The following CFAP47 variants were observed in gnomAD, a reference collection of about 807,000 sequenced individuals.
CFAP47 encodes the protein cilia and flagella associated protein 47.
CFAP47 carries 29 observed loss-of-function variants against 148.1 expected under a neutral mutation model. That is an observed-to-expected ratio of 0.20 (90% CI 0.15 to 0.27). The LOEUF is 0.27. Ranked by LOEUF, CFAP47 falls within the 10% of genes least tolerant of loss-of-function variation. The pLI is 1.00. For synonymous variants in CFAP47, 664 were observed against 577.3 expected (o/e 1.15, Z -2.15); for missense variants, 1,872 against 1,697.5 (o/e 1.10, Z -1.81).
At chrX:36,148,552 A>G (rs1337999560) in intron 36 of CFAP47, among the ~76,000 whole-genome samples, 1 of 111,884 alleles carries the variant, frequency 8.9e-6, no homozygotes, top group Non-Finnish European at 1.9e-5. Context: ...GTAATAAAGC[A>G]ACTCATTTTC....
At chrX:36,236,538 C>G in intron 47 of CFAP47, 148 bp from the exon 48 acceptor site, 1 of 399,109 alleles carries the variant, frequency 2.5e-6, no homozygotes, top group South Asian at 5.1e-5. Flanking sequence ...TTTGTAGAAG[C>G]AGTTATTTGT....
chrX:35,937,760 T>TA (rs936850167), intron 2 of CFAP47, among the ~76,000 whole-genome samples: 10 of 90,364 alleles, frequency 1.1e-4, no homozygotes, highest in African/African-American at 5.0e-4. Context: ...GGAATGTGAT[T>TA]AAAAAAAACT....
chrX:36,323,996 C>T (rs1259338557), intron 57 of CFAP47, among the ~76,000 whole-genome samples: 1 of 111,437 alleles, frequency 9.0e-6, no homozygotes, highest in Non-Finnish European at 1.9e-5. Context: ...CTGTTCCTTT[C>T]GTTATCATTC....
chrX:36,088,391 G>C (rs1278917448), intron 30 of CFAP47, among the ~76,000 whole-genome samples: 2 of 111,337 alleles, frequency 1.8e-5, no homozygotes, highest in Admixed American at 1.9e-4. Flanking sequence ...AACCCCCAAT[G>C]TGATTTTATT....
At chrX:36,184,317 T>C (rs977594380) in intron 40 of CFAP47, among the ~76,000 whole-genome samples, 6 of 111,604 alleles carry the variant, frequency 5.4e-5, no homozygotes, top group Non-Finnish European at 1.1e-4. Context: ...AACTTTCTTA[T>C]GAGCATAGGA....
intron 18 of CFAP47, among the ~76,000 whole-genome samples, chrX:35,995,445 A>G (rs1339363351): frequency 9.0e-6 from 1 of 111,598 alleles, no homozygotes; most frequent in Non-Finnish European, 1.9e-5. Context: ...GGGACCAGAA[A>G]GATGGAATGC....
intron 40 of CFAP47, among the ~76,000 whole-genome samples, chrX:36,187,680 T>A (rs6632510): frequency 0.33 from 36,637 of 110,362 alleles, 6,610 homozygotes; most frequent in African/African-American, 0.69. Context: ...TACCTTTTTT[T>A]AAAAAAGATA....
intron 39 of CFAP47, among the ~76,000 whole-genome samples, chrX:36,172,641 G>T (rs1173687280): frequency 9.0e-6 from 1 of 111,050 alleles, no homozygotes; most frequent in Non-Finnish European, 1.9e-5. Context: ...GCATCCCAGG[G>T]ATGAAGCCCA....
chrX:35,925,753 T>C lies in CFAP47; in HGVS notation c.250-264T>C, dbSNP rs1935729161. ...CTCACTGCAATCTCCACCTTCTGGGTTCAAACAGTTCCCCTGCCTCAGCCT... is the reference window on the plus strand; with the variant it reads ...CTCACTGCAATCTCCACCTTCTGGGCTCAAACAGTTCCCCTGCCTCAGCCT... On this transcript the variant is annotated intron_variant, in intron 1 of 63. Coordinates refer to ENST00000378653, the MANE Select transcript of CFAP47 (RefSeq NM_001304548.2). Among the ~76,000 whole-genome samples, 4 of 111,733 alleles carry C rather than the reference T, an allele frequency of 3.6e-5. No individual in the cohort carries two copies. The South Asian group carries it at 1.5e-3, about 42-fold the overall frequency.
At chrX:36,051,889 G>A (rs1169403166) in intron 26 of CFAP47, among the ~76,000 whole-genome samples, 2 of 110,680 alleles carry the variant, frequency 1.8e-5, no homozygotes, top group Non-Finnish European at 3.8e-5. Context: ...AGGGGGGTGG[G>A]TTTTTTCTTG....
At chrX:36,285,568 G>A in intron 50 of CFAP47, 61 bp from the exon 51 acceptor site, 1 of 490,512 alleles carries the variant, frequency 2.0e-6, no homozygotes, top group East Asian at 3.9e-5. Flanking sequence ...ATTCTCAAAT[G>A]TGTATGTTAA....
At chrX:35,932,697 G>C (rs745707091) in intron 2 of CFAP47, among the ~76,000 whole-genome samples, 9 of 109,644 alleles carry the variant, frequency 8.2e-5, no homozygotes, top group African/African-American at 3.0e-4. Context: ...CGTGATCTCA[G>C]CTCACTGCAA....
intron 33 of CFAP47, among the ~76,000 whole-genome samples, chrX:36,127,526 G>T (rs996966325): frequency 1.3e-4 from 15 of 111,499 alleles, no homozygotes; most frequent in African/African-American, 4.6e-4. Flanking sequence ...GTCAGGTAAC[G>T]TGATGCCTCT....
intron 49 of CFAP47, among the ~76,000 whole-genome samples, chrX:36,260,331 A>G (rs1380343465): frequency 8.9e-6 from 1 of 112,321 alleles, no homozygotes; most frequent in Non-Finnish European, 1.9e-5. Flanking sequence ...GAACTAACTT[A>G]CATTCCCACC....
In CFAP47 at chrX:36,232,835, A is replaced by G. The variant is rs1190239869; in HGVS notation, c.7015-3099A>G. ...TTGTGTCTTTGTTCTTATTGGTTTC[A>G]AAGAACATCTTTATTTCTGCCTTCA... is the stretch of plus-strand genomic sequence containing the variant. On this transcript the variant is annotated intron_variant, in intron 46 of 63. Transcript: ENST00000378653. Among the ~76,000 whole-genome samples the G allele has an allele frequency of 1.8e-5, 2 of 111,921 alleles. 1 individual carries two copies. Among genetic ancestry groups the G allele is most frequent in the Non-Finnish European group, 3.8e-5 (2 of 53,206 alleles).
At chrX:35,960,108 T>C (rs1242829484) in intron 8 of CFAP47, among the ~76,000 whole-genome samples, 1 of 107,011 alleles carries the variant, frequency 9.3e-6, no homozygotes, top group Non-Finnish European at 1.9e-5. Context: ...TGTAGCTTTT[T>C]TTTTCTTTTT....
chrX:36,339,544 A>G (rs1419216677), intron 57 of CFAP47, among the ~76,000 whole-genome samples: 1 of 111,804 alleles, frequency 8.9e-6, no homozygotes, highest in Non-Finnish European at 1.9e-5. Context: ...TACGGATGGA[A>G]GAAGCATTAA....
At chrX:36,182,282 G>A (rs1421203979) in intron 40 of CFAP47, among the ~76,000 whole-genome samples, 1 of 111,722 alleles carries the variant, frequency 9.0e-6, no homozygotes, top group Non-Finnish European at 1.9e-5. Context: ...AAACCTAGCT[G>A]GAGGAAAGAC....
At chrX:36,244,176 T>C (rs1940586113) in intron 48 of CFAP47, among the ~76,000 whole-genome samples, 1 of 111,216 alleles carries the variant, frequency 9.0e-6, no homozygotes, top group South Asian at 3.7e-4. Flanking sequence ...TCAAACATTA[T>C]TTGAAACTAA....
Sources: allele counts gnomAD v4.1 joint callset (sites outside exome capture counted in the v4.1 genomes callset), GRCh38; gene constraint gnomAD v4.1.1; transcripts MANE v1.5; gene names NCBI Gene and HGNC (gene_info 2026-07-23, HGNC 2026-07-21).